ZFP36L2: variants seen among roughly 807,000 people sequenced by gnomAD.
ZFP36L2 encodes mRNA decay activator protein ZFP36L2.
A neutral mutation model predicts 27.9 loss-of-function variants in ZFP36L2; 16 were observed. That is an observed-to-expected ratio of 0.57 (90% CI 0.39 to 0.87). The LOEUF (loss-of-function observed/expected upper bound fraction) is 0.87. Among genes scored for constraint, ZFP36L2 ranks in the 40% least tolerant of loss-of-function variants. The pLI, the probability that ZFP36L2 is intolerant of heterozygous loss-of-function variation, is 0.00. For missense variants in ZFP36L2, 989 were observed against 726.9 expected (o/e 1.36, Z -4.15); for synonymous variants, 600 against 363.8 (o/e 1.65, Z -7.39).
At position 43,226,372 on chromosome 2, in the gene ZFP36L2, G is replaced by C; in HGVS notation, c.-57C>G. 1 of 1,551,050 alleles carries C rather than the reference G, an allele frequency of 6.4e-7. No individual in the cohort carries two copies. The highest frequency in any genetic ancestry group is 8.7e-7 in the Non-Finnish European group (1 of 1,146,082). On this transcript the variant is annotated 5_prime_UTR_variant, in exon 1 of 2. Coordinates refer to ENST00000282388, the MANE Select transcript of ZFP36L2 (RefSeq NM_006887.5). The stretch of plus-strand genomic sequence containing the variant: ...GGCCGGGAGGTCGGGAGGAGCCCTT[G>C]GGGCGGCGTGGCCGGGCTTGAGCCA...
Position 43,224,852 on chromosome 2 carries a change from C to A in ZFP36L2, c.952G>T (p.Ala318Ser). The change falls in exon 2 of 2, where the codon GCC becomes TCC. Residue 318 changes from alanine (A) to serine (S), a missense_variant. Transcript: ENST00000282388. ...GCCGCGGAGGCGCAGCATGTCGGGGCGCCCGAGGGCGTGGAGGCCGCGGAG... is the reference window on the plus strand; with the variant it reads ...GCCGCGGAGGCGCAGCATGTCGGGGAGCCCGAGGGCGTGGAGGCCGCGGAG... ...SASAASTPSGAPTCCASAAAA... is the reference protein window; with the variant it reads ...SASAASTPSGSPTCCASAAAA... 5 of 1,463,806 alleles carry A rather than the reference C, an allele frequency of 3.4e-6. No homozygotes were observed. The highest frequency in any genetic ancestry group is 4.5e-6 in the Non-Finnish European group (5 of 1,121,002). 90.7% of individuals were successfully genotyped at this position (1,463,806 alleles called of 1,614,324 possible).
Position 43,225,221 on chromosome 2 carries a change from C to G in ZFP36L2, c.583G>C (p.Glu195Gln). The change falls in exon 2 of 2, where the codon GAG becomes CAG. Residue 195 changes from glutamate (E) to glutamine (Q), a missense_variant. Glu to Gln is a conservative substitution (Grantham distance 29). Transcript: ENST00000282388. ...ATGGTATGAAAGGTGCGGCACAGCT[C>G]GGTCTTGTACTTCGGATGGCGAGTC... ...SLTRHPKYKT[E>Q]LCRTFHTIGF... The G allele has an allele frequency of 6.2e-7, 1 of 1,606,366 alleles. No homozygotes were observed. Among genetic ancestry groups the G allele is most frequent in the Non-Finnish European group, 8.5e-7 (1 of 1,179,876 alleles).
chr2:43,224,491 G>C lies in ZFP36L2; in HGVS notation c.1313C>G (p.Ser438Cys). 3 of 1,497,356 alleles carry C rather than the reference G, an allele frequency of 2.0e-6. No homozygotes were observed. The highest frequency in any genetic ancestry group is 2.7e-6 in the Non-Finnish European group (3 of 1,128,998). 92.8% of individuals were successfully genotyped at this position (1,497,356 alleles called of 1,614,324 possible). ...PFSFQLPRRL[S>C]DSPVFDAPPS... Reference sequence around the variant, plus strand: ...GGGCGCGTCGAACACGGGCGAGTCGGACAGGCGGCGCGGCAGCTGGAAGCT... The same window carrying C: ...GGGCGCGTCGAACACGGGCGAGTCGCACAGGCGGCGCGGCAGCTGGAAGCT... The change falls in exon 2 of 2, where the codon TCC becomes TGC. Residue 438 changes from serine (S) to cysteine (C), a missense_variant. Ser to Cys is a moderately radical substitution (Grantham distance 112, BLOSUM62 -1). Transcript: ENST00000282388.
rs1378860630 is a variant in ZFP36L2, at chr2:43,225,091, G to C, written c.713C>G (p.Thr238Arg). ...GAAGCCCAGGTGCAACGCATCGCGCGTGCCAAAGGCACGCAGGTCCCCGGA... is the reference window on the plus strand; with the variant it reads ...GAAGCCCAGGTGCAACGCATCGCGCCTGCCAAAGGCACGCAGGTCCCCGGA... The part of the protein sequence containing the change: ...GASGDLRAFG[T>R]RDALHLGFPR... Residue 238 changes from threonine (T) to arginine (R), a missense_variant, in exon 2 of 2, where the codon ACG (threonine) becomes AGG (arginine). Coordinates refer to ENST00000282388, the MANE Select transcript of ZFP36L2 (RefSeq NM_006887.5). The C allele has an allele frequency of 5.0e-6, 8 of 1,593,460 alleles. No individual in the cohort carries two copies. Among genetic ancestry groups the C allele is most frequent in the African/African-American group, 1.3e-5 (1 of 74,750 alleles).
In ZFP36L2 at chr2:43,226,604, C is replaced by T. The variant is rs1667114327; in HGVS notation, c.-289G>A. On this transcript the variant is annotated 5_prime_UTR_variant, in exon 1 of 2. Coordinates refer to ENST00000282388, the MANE Select transcript of ZFP36L2 (RefSeq NM_006887.5). The stretch of plus-strand genomic sequence containing the variant: ...GACGGCAGCTCGCGGACTGCTGGAA[C>T]TCGGCGGCCTCCGAGCGCGCGCCCT... The T allele has an allele frequency of 2.2e-6, 1 of 452,200 alleles. No individual in the cohort carries two copies. Among genetic ancestry groups the T allele is most frequent in the Non-Finnish European group, 3.9e-6 (1 of 255,920 alleles). The allele number at this position is 452,200 out of a possible 1,614,324, so 28.0% of individuals were successfully genotyped here.
Position 43,225,057 on chromosome 2 carries a change from C to T in ZFP36L2, c.747G>A (p.Glu249=). Residue 249 remains glutamate, a synonymous_variant, in exon 2 of 2, where the codon GAG becomes GAA. Coordinates refer to ENST00000282388, the MANE Select transcript of ZFP36L2 (RefSeq NM_006887.5). The part of the protein sequence containing the change: ...RDALHLGFPR[E]PRPKLHHSLS... ...GGCTGTGGTGCAACTTGGGCCGCGG[C>T]TCCCGCGGGAAGCCCAGGTGCAACG... The T allele has an allele frequency of 6.3e-7, 1 of 1,594,882 alleles. No individual in the cohort carries two copies.
chr2:43,224,648 C>T lies in ZFP36L2; in HGVS notation c.1156G>A (p.Val386Met). The T allele has an allele frequency of 6.6e-7, 1 of 1,508,840 alleles. No homozygotes were observed. The allele number at this position is 1,508,840 out of a possible 1,614,324, so 93.5% of individuals were successfully genotyped here. A position where few individuals can be genotyped will look rare whatever the true frequency, so the allele number is the denominator to read the frequency against. ...LAIQTHNFAA[V>M]AAAAYYRSQQ... ...CTGCGGTAGTAGGCGGCGGCGGCCA[C>T]GGCGGCAAAGTTGTGGGTCTGGATG... The change falls in exon 2 of 2, where the codon GTG (valine) becomes ATG (methionine). Residue 386 changes from valine to methionine, a missense_variant. Transcript: ENST00000282388.
chr2:43,224,242 C>A lies in ZFP36L2; in HGVS notation c.*77G>T, dbSNP rs1558427614. 4.3e-5 allele frequency: 60 copies of A among 1,410,700 alleles called. No homozygotes were observed. The highest frequency in any genetic ancestry group is 3.8e-4 in the East Asian group (13 of 33,878). The allele number at this position is 1,410,700 out of a possible 1,614,324, so 87.4% of individuals were successfully genotyped here. A position where few individuals can be genotyped will look rare whatever the true frequency, so the allele number is the denominator to read the frequency against. On this transcript the variant is annotated 3_prime_UTR_variant, in exon 2 of 2. Transcript: ENST00000282388. ...ACCCCCCCCACTCCCGTGCCCCCAGCAAGGGCGAGATGGCGAGGGGTGTCC... is the reference window on the plus strand; with the variant it reads ...ACCCCCCCCACTCCCGTGCCCCCAGAAAGGGCGAGATGGCGAGGGGTGTCC...
At position 43,226,504 on chromosome 2, in the gene ZFP36L2, G is replaced by T; in HGVS notation, c.-189C>A. ...CCGGCGGGAGGGTCCGGCGGAGTGC[G>T]GCAGGGGGGAAGGAGAGAAGCGAGG... On this transcript the variant is annotated 5_prime_UTR_variant, in exon 1 of 2. Coordinates refer to ENST00000282388, the MANE Select transcript of ZFP36L2 (RefSeq NM_006887.5). The T allele has an allele frequency of 1.5e-6, 1 of 667,882 alleles. No individual in the cohort carries two copies. The highest frequency in any genetic ancestry group is 1.9e-5 in the African/African-American group (1 of 51,772). The allele number at this position is 667,882 out of a possible 1,614,324, so 41.4% of individuals were successfully genotyped here. A position where few individuals can be genotyped will look rare whatever the true frequency, so the allele number is the denominator to read the frequency against.
rs938491290 is a variant in ZFP36L2, at chr2:43,226,489, G to A, written c.-174C>T. ...GTGCAGCGGCGCGGGCCGGCGGGAG[G>A]GTCCGGCGGAGTGCGGCAGGGGGGA... is the stretch of plus-strand genomic sequence containing the variant. On this transcript the variant is annotated 5_prime_UTR_variant, in exon 1 of 2. Transcript: ENST00000282388. The A allele has an allele frequency of 1.3e-6, 1 of 791,772 alleles. No homozygotes were observed. The highest frequency in any genetic ancestry group is 1.7e-5 in the South Asian group (1 of 60,470). 49.0% of individuals were successfully genotyped at this position (791,772 alleles called of 1,614,324 possible).
chr2:43,224,546 C>T lies in ZFP36L2; in HGVS notation c.1258G>A (p.Gly420Arg). Residue 420 changes from glycine to arginine, a missense_variant, in exon 2 of 2, where the codon GGG becomes AGG. Transcript: ENST00000282388. ...PAPPSATLPA[G>R]AAAPPSPPFS... is the part of the protein sequence containing the mutation. ...GGCGGCGAGGGAGGTGCGGCGGCCC[C>T]GGCGGGGAGGGTCGCGCTGGGCGGC... 1 of 1,426,498 alleles carries T rather than the reference C, an allele frequency of 7.0e-7. No homozygotes were observed. 88.4% of individuals were successfully genotyped at this position (1,426,498 alleles called of 1,614,324 possible).
rs374962654 is a variant in ZFP36L2, at chr2:43,226,327, C to T, written c.-12G>A. 1.8e-5 allele frequency: 29 copies of T among 1,573,550 alleles called. No homozygotes were observed. The African/African-American group carries it at 3.6e-4, about 19-fold the overall frequency. On this transcript the variant is annotated 5_prime_UTR_variant, in exon 1 of 2. Transcript: ENST00000282388. ...AGTGTGGTCGACATGTTTCTGGATC[C>T]CGCAGTGGCCGGAGCGGCAGGCCGG... is the stretch of plus-strand genomic sequence containing the variant.
At position 43,225,656 on chromosome 2, in the gene ZFP36L2, G is replaced by T; in HGVS notation, c.148C>A (p.Pro50Thr). The change falls in exon 2 of 2, where the codon CCG (proline) becomes ACG (threonine). Residue 50 changes from proline to threonine, a missense_variant. By Grantham distance (38) the Pro-to-Thr change is conservative. Transcript: ENST00000282388. ...VAAAPSSGFA[P>T]GFLRRHSASN... ...GCCGAGTGCCGTCGGAGGAATCCCG[G>T]CGCGAAGCCCGAGCTGGGGGCGGCG... 1 of 1,584,848 alleles carries T rather than the reference G, an allele frequency of 6.3e-7. No individual in the cohort carries two copies. Among genetic ancestry groups the T allele is most frequent in the Non-Finnish European group, 8.5e-7 (1 of 1,173,748 alleles).
At position 43,224,938 on chromosome 2, in the gene ZFP36L2, G is replaced by A; in HGVS notation, c.866C>T (p.Pro289Leu). Residue 289 changes from proline to leucine, a missense_variant, in exon 2 of 2, where the codon CCG (proline) becomes CTG (leucine). Transcript: ENST00000282388. Reference sequence around the variant, plus strand: ...CGAGGCCGAAGAGCAGGAGGGCGGCGGCGGCGTGCGCGACGTGGGGCTGTC... The same window carrying A: ...CGAGGCCGAAGAGCAGGAGGGCGGCAGCGGCGTGCGCGACGTGGGGCTGTC... ...LLDSPTSRTP[P>L]PPSCSSASSC... 6.4e-7 allele frequency: 1 copy of A among 1,551,628 alleles called. No homozygotes were observed. Among genetic ancestry groups the A allele is most frequent in the Non-Finnish European group, 8.6e-7 (1 of 1,164,818 alleles).
chr2:43,225,905 C>A (rs1325475423), intron 1 of ZFP36L2, among the ~76,000 whole-genome samples, 153 bp from the exon 2 acceptor site: 1 of 152,212 alleles, frequency 6.6e-6, no homozygotes, highest in African/African-American at 2.4e-5. Flanking sequence ...CACCTATACA[C>A]GCGCAAAACC....
chr2:43,224,392 C>T lies in ZFP36L2; in HGVS notation c.1412G>A (p.Gly471Asp), dbSNP rs1244956816. 1.9e-6 allele frequency: 3 copies of T among 1,562,734 alleles called. No individual in the cohort carries two copies. The highest frequency in any genetic ancestry group is 2.6e-6 in the Non-Finnish European group (3 of 1,160,384). Residue 471 changes from glycine to aspartate, a missense_variant, in exon 2 of 2, where the codon GGC becomes GAC. Gly to Asp is a moderately conservative substitution (Grantham distance 94). Coordinates refer to ENST00000282388, the MANE Select transcript of ZFP36L2 (RefSeq NM_006887.5). ...SGSLSSGSLS[G>D]SESPSLDPGR... is the part of the protein sequence containing the mutation. ...AGGGTCGAGGCTGGGAGACTCAGAG[C>T]CGCTGAGGCTGCCGGAGCTCAGGGA... is the stretch of plus-strand genomic sequence containing the variant.
chr2:43,226,441 CG>C lies in ZFP36L2; in HGVS notation c.-127del. The C allele has an allele frequency of 2.3e-6, 3 of 1,283,170 alleles. No individual in the cohort carries two copies. Among genetic ancestry groups the C allele is most frequent in the South Asian group, 1.3e-5 (1 of 77,792 alleles). 79.5% of individuals were successfully genotyped at this position (1,283,170 alleles called of 1,614,324 possible). ...GGGCGGGGAGGGGCCGAAAGTTTGCCGGGGGGCGAGAGGAGAGGGCGAGTGC... is the reference window on the plus strand; with the variant it reads ...GGGCGGGGAGGGGCCGAAAGTTTGCCGGGGGCGAGAGGAGAGGGCGAGTGC... On this transcript the variant is annotated 5_prime_UTR_variant, in exon 1 of 2. Transcript: ENST00000282388.
chr2:43,224,612 G>A lies in ZFP36L2; in HGVS notation c.1192C>T (p.Gln398Ter). 1 of 1,453,566 alleles carries A rather than the reference G, an allele frequency of 6.9e-7. No homozygotes were observed. The highest frequency in any genetic ancestry group is 1.4e-5 in the South Asian group (1 of 73,316). 90.0% of individuals were successfully genotyped at this position (1,453,566 alleles called of 1,614,324 possible). A position where few individuals can be genotyped will look rare whatever the true frequency, so the allele number is the denominator to read the frequency against. ...AAAYYRSQQQ[Q>*]QQQGLAPPAQ... Reference sequence around the variant, plus strand: ...GGGGGCGCCAGGCCCTGCTGCTGCTGCTGCTGCTGACTGCGGTAGTAGGCG... The same window carrying A: ...GGGGGCGCCAGGCCCTGCTGCTGCTACTGCTGCTGACTGCGGTAGTAGGCG... The change falls in exon 2 of 2, where the codon CAG (glutamine) becomes TAG (stop). Residue 398 changes from glutamine to a stop codon, truncating the protein, a stop_gained. Coordinates refer to ENST00000282388, the MANE Select transcript of ZFP36L2 (RefSeq NM_006887.5). LOFTEE classifies it high-confidence loss of function.
Position 43,225,536 on chromosome 2 carries a change from C to CGCTGCCGCA in ZFP36L2, c.259_267dup (p.Cys87_Ser89dup). Reference sequence around the variant, plus strand: ...TAGGAGGTCGGACCGCCGGCCGCCGCGCTGCCGCAGCTGCTGCCGTTAGCG... The same window carrying CGCTGCCGCA: ...TAGGAGGTCGGACCGCCGGCCGCCGCGCTGCCGCAGCTGCCGCAGCTGCTGCCGTTAGCG... On this transcript the variant is annotated inframe_insertion, in exon 2 of 2. Coordinates refer to ENST00000282388, the MANE Select transcript of ZFP36L2 (RefSeq NM_006887.5). 1 of 1,583,786 alleles carries CGCTGCCGCA rather than the reference C, an allele frequency of 6.3e-7. No individual in the cohort carries two copies. Among genetic ancestry groups the CGCTGCCGCA allele is most frequent in the South Asian group, 1.1e-5 (1 of 89,124 alleles).
Sources: allele counts gnomAD v4.1 joint callset (sites outside exome capture counted in the v4.1 genomes callset), GRCh38; gene constraint gnomAD v4.1.1; transcripts MANE v1.5; gene names NCBI Gene and HGNC (gene_info 2026-07-23, HGNC 2026-07-21).